MARCHF4: variants seen among roughly 807,000 people sequenced by gnomAD.
The protein encoded by MARCHF4 is E3 ubiquitin-protein ligase MARCHF4.
MARCHF4 carries 14 observed loss-of-function variants against 43.9 expected under a neutral mutation model. That is an observed-to-expected ratio of 0.32 (90% CI 0.21 to 0.50). The LOEUF is 0.50. Among genes scored for constraint, MARCHF4 ranks in the 20% least tolerant of loss-of-function variants. The probability of loss-of-function intolerance (pLI) is 0.98; values close to 1 mark genes in which losing one functional copy is unlikely to be tolerated. For synonymous variants in MARCHF4, 226 were observed against 213.3 expected (o/e 1.06, Z -0.52); for missense variants, 468 against 536.7 (o/e 0.87, Z 1.27).
chr2:216,297,522 G>GT (rs1006760176), intron 1 of MARCHF4, among the ~76,000 whole-genome samples: 5 of 152,018 alleles, frequency 3.3e-5, no homozygotes, highest in Non-Finnish European at 7.4e-5. Flanking sequence ...GTTTTGTTTT[G>GT]TTTTTTGAGA....
At position 216,370,317 on chromosome 2, in the gene MARCHF4, A is replaced by C. The variant is rs77100494; in HGVS notation, c.-57T>G. 2.6e-3 allele frequency: 3,814 copies of C among 1,446,530 alleles called. 88 individuals are homozygous for C. The African/African-American group carries it at 0.047, about 18-fold the overall frequency. 89.6% of individuals were successfully genotyped at this position (1,446,530 alleles called of 1,614,324 possible). A position where few individuals can be genotyped will look rare whatever the true frequency, so the allele number is the denominator to read the frequency against. On this transcript the variant is annotated 5_prime_UTR_variant, in exon 1 of 4. Coordinates refer to ENST00000273067, the MANE Select transcript of MARCHF4 (RefSeq NM_020814.3). ...GTGGCTGGAGTCTTAAAAGAGGGGG[A>C]CAGGACAGGTTTTGGGGGTCCACAG...
At chr2:216,260,684 G>A (rs1574456301) in intron 3 of MARCHF4, among the ~76,000 whole-genome samples, 1 of 152,182 alleles carries the variant, frequency 6.6e-6, no homozygotes. Context: ...GGATGGTAGG[G>A]TCTTATAGGC....
intron 1 of MARCHF4, among the ~76,000 whole-genome samples, chr2:216,337,446 G>C (rs932738076): frequency 1.3e-5 from 2 of 152,186 alleles, no homozygotes; most frequent in Non-Finnish European, 2.9e-5. Context: ...ATATGCATGT[G>C]ACTGAGTGGA....
chr2:216,316,171 C>T (rs773514001), intron 1 of MARCHF4, among the ~76,000 whole-genome samples: 2 of 152,214 alleles, frequency 1.3e-5, no homozygotes, highest in South Asian at 2.1e-4. Context: ...TGACACAGCG[C>T]GACACTGCGC....
intron 1 of MARCHF4, among the ~76,000 whole-genome samples, chr2:216,353,538 T>C (rs986158210): frequency 6.6e-6 from 1 of 152,160 alleles, no homozygotes; most frequent in Non-Finnish European, 1.5e-5. Context: ...CTCTGGGTCC[T>C]TGTTTCTTCT....
At chr2:216,288,804 C>T (rs1008360044) in intron 1 of MARCHF4, among the ~76,000 whole-genome samples, 3 of 152,076 alleles carry the variant, frequency 2.0e-5, no homozygotes, top group Admixed American at 6.6e-5. Flanking sequence ...CCCCAAAATA[C>T]GAAGGCGTGT....
chr2:216,367,191 A>G (rs1022678053), intron 1 of MARCHF4, among the ~76,000 whole-genome samples: 1 of 152,168 alleles, frequency 6.6e-6, no homozygotes, highest in Non-Finnish European at 1.5e-5. Context: ...ACATTCAGCT[A>G]CTAAGATTGC....
At chr2:216,311,969 A>C (rs540413175) in intron 1 of MARCHF4, among the ~76,000 whole-genome samples, 8 of 152,294 alleles carry the variant, frequency 5.3e-5, no homozygotes, top group Admixed American at 3.3e-4. Flanking sequence ...TGATGAAATA[A>C]TTTTTTATTA....
At chr2:216,324,110 C>A (rs1335221874) in intron 1 of MARCHF4, among the ~76,000 whole-genome samples, 1 of 147,942 alleles carries the variant, frequency 6.8e-6, no homozygotes, top group East Asian at 2.0e-4. Context: ...CAAATAGACG[C>A]AATAAAAAAT....
intron 1 of MARCHF4, among the ~76,000 whole-genome samples, chr2:216,364,045 T>C (rs1045933390): frequency 1.3e-5 from 2 of 152,130 alleles, no homozygotes; most frequent in African/African-American, 4.8e-5. Context: ...CATAAGATCC[T>C]CCTTCTAAGG....
intron 1 of MARCHF4, among the ~76,000 whole-genome samples, chr2:216,347,588 C>T (rs571728725): frequency 6.6e-6 from 1 of 151,982 alleles, no homozygotes; most frequent in South Asian, 2.1e-4. Flanking sequence ...ATTAGCCGGG[C>T]GTGGTGGTGG....
At chr2:216,320,653 TTCTTTCTTTCTTTCTTTCTTTC>T (rs1306039896) in intron 1 of MARCHF4, among the ~76,000 whole-genome samples, 6 of 122,376 alleles carry the variant, frequency 4.9e-5, no homozygotes, top group Non-Finnish European at 4.8e-5. Context: ...CTTTCTTTCT[TTCTTTCTTTCTTTCTTTCTTTC>T]TTTTTTTTTT....
At chr2:216,349,783 C>T (rs1184576901) in intron 1 of MARCHF4, among the ~76,000 whole-genome samples, 1 of 152,078 alleles carries the variant, frequency 6.6e-6, no homozygotes, top group Non-Finnish European at 1.5e-5. Flanking sequence ...GGAGGCTCGA[C>T]CAAAAGGTTA....
At chr2:216,263,491 GA>G (rs1491526864) in intron 3 of MARCHF4, among the ~76,000 whole-genome samples, 5 of 113,298 alleles carry the variant, frequency 4.4e-5, no homozygotes, top group African/African-American at 1.5e-4. Context: ...GAAGGAGAGA[GA>G]AAGAGAGAGA....
intron 1 of MARCHF4, among the ~76,000 whole-genome samples, chr2:216,317,279 A>T (rs981445556): frequency 2.6e-5 from 4 of 152,196 alleles, no homozygotes; most frequent in African/African-American, 9.6e-5. Context: ...TTTTATGTGT[A>T]TTTAGCTTTT....
intron 2 of MARCHF4, among the ~76,000 whole-genome samples, chr2:216,283,086 T>G (rs1207656784): frequency 1.3e-5 from 2 of 152,156 alleles, no homozygotes; most frequent in Non-Finnish European, 2.9e-5. Flanking sequence ...AGTCTATTCT[T>G]CTTATTTCTT....
At chr2:216,265,366 A>C (rs1291206659) in intron 3 of MARCHF4, among the ~76,000 whole-genome samples, 2 of 152,062 alleles carry the variant, frequency 1.3e-5, no homozygotes, top group South Asian at 4.1e-4. Flanking sequence ...ATGTCTCTCC[A>C]CCTTCCGGGG....
At chr2:216,292,760 G>A (rs1490507875) in intron 1 of MARCHF4, among the ~76,000 whole-genome samples, 4 of 152,116 alleles carry the variant, frequency 2.6e-5, no homozygotes, top group Admixed American at 1.3e-4. Flanking sequence ...GACAAAAGAG[G>A]ATCACCAATG....
intron 3 of MARCHF4, among the ~76,000 whole-genome samples, chr2:216,271,769 T>C (rs1690942291): frequency 6.6e-6 from 1 of 152,014 alleles, no homozygotes; most frequent in Non-Finnish European, 1.5e-5. Flanking sequence ...TTTGAGTGTA[T>C]ATACCCAGGT....
Sources: gnomAD v4.1 joint callset for allele counts (sites outside exome capture counted in the v4.1 genomes callset) on GRCh38, gnomAD v4.1.1 for gene constraint, MANE v1.5 for transcripts, NCBI Gene and HGNC (gene_info 2026-07-23, HGNC 2026-07-21) for gene names.